Variants in GNPNAT1 observed in about 807,000 individuals in gnomAD.
The protein encoded by GNPNAT1 is glucosamine 6-phosphate N-acetyltransferase.
Under a neutral mutation model 19.8 loss-of-function variants are expected in GNPNAT1, and 11 were observed. The ratio of observed to expected loss-of-function variants is 0.56; its 90% confidence interval spans 0.35 to 0.92. GNPNAT1 has a LOEUF of 0.92. Ranked by LOEUF, GNPNAT1 falls within the 40% of genes least tolerant of loss-of-function variation. The pLI is 0.01. For synonymous variants in GNPNAT1, 71 were observed against 72.3 expected, an observed-to-expected ratio of 0.98 and a Z score of 0.09; for missense variants, 157 against 211.0, an observed-to-expected ratio of 0.74 and a Z score of 1.59.
Position 52,791,225 on chromosome 14 carries a change from C to T in GNPNAT1, c.-15+203G>A, listed in dbSNP as rs1426108936. Reference sequence around the variant, plus strand: ...ATCCTTAACCTCTGCTCCAGGCGCGCGTGCGTTCAACTTCCTGGGAACCGC... The same window carrying T: ...ATCCTTAACCTCTGCTCCAGGCGCGTGTGCGTTCAACTTCCTGGGAACCGC... On this transcript the variant is annotated intron_variant, in intron 1 of 5. Coordinates refer to ENST00000216410, the MANE Select transcript of GNPNAT1 (RefSeq NM_198066.4). This position sits in a 1 kb window ranked among gnomAD's most constrained non-coding sequence, Gnocchi z 4.1. Among the ~76,000 whole-genome samples the T allele has an allele frequency of 2.6e-5, 4 of 151,912 alleles. No individual in the cohort carries two copies. The highest frequency in any genetic ancestry group is 2.6e-4 in the Admixed American group (4 of 15,248).
intron 3 of GNPNAT1, 30 bp from the exon 4 acceptor site, chr14:52,781,941 T>C: frequency 1.9e-6 from 3 of 1,553,686 alleles, no homozygotes; most frequent in South Asian, 2.4e-5. Context: ...AAGTGTTACA[T>C]AGTAGACATT....
rs746375390 is a variant in GNPNAT1, at chr14:52,784,678, T to C, written c.-14-14A>G. The stretch of plus-strand genomic sequence containing the variant: ...TTCTAGTAAGGTCTAAAATAAAAAT[T>C]TGAATATTAAGTCACTTTATTTAAT... On this transcript the variant is annotated splice_polypyrimidine_tract_variant and intron_variant, in intron 1 of 5. Transcript: ENST00000216410. 2 of 1,221,174 alleles carry C rather than the reference T, an allele frequency of 1.6e-6. No individual in the cohort carries two copies. The highest frequency in any genetic ancestry group is 1.5e-5 in the South Asian group (1 of 66,604). 75.6% of individuals were successfully genotyped at this position (1,221,174 alleles called of 1,614,324 possible).
chr14:52,784,732 T>G, intron 1 of GNPNAT1, 68 bp from the exon 2 acceptor site: 1 of 627,662 alleles, frequency 1.6e-6, no homozygotes, highest in Non-Finnish European at 2.6e-6. Context: ...GTTGAGAAAG[T>G]TAATATAAAT....
intron 4 of GNPNAT1, among the ~76,000 whole-genome samples, chr14:52,781,080 A>G (rs1235298498): frequency 6.6e-6 from 1 of 152,136 alleles, no homozygotes; most frequent in African/African-American, 2.4e-5. Flanking sequence ...GTTTTTACTT[A>G]TTAGAGGAAA....
At position 52,781,902 on chromosome 14, in the gene GNPNAT1, T is replaced by C. The variant is rs112642773; in HGVS notation, c.227A>G (p.Glu76Gly). The stretch of plus-strand genomic sequence containing the variant: ...ATAATCCCCAGATTTCTTCATATGC[T>C]CAAAAGATTCTGTGGAAATTGGATA... The part of the protein sequence containing the change: ...VSPEQFMKSF[E>G]HMKKSGDYYV... Residue 76 changes from glutamate to glycine, a missense_variant, in exon 4 of 6, where the codon GAG (glutamate) becomes GGG (glycine). Glu to Gly is a moderately conservative substitution (Grantham distance 98, BLOSUM62 -2). Coordinates refer to ENST00000216410, the MANE Select transcript of GNPNAT1 (RefSeq NM_198066.4). 6.2e-7 allele frequency: 1 copy of C among 1,605,770 alleles called. No individual in the cohort carries two copies. Among genetic ancestry groups the C allele is most frequent in the Non-Finnish European group, 8.5e-7 (1 of 1,177,090 alleles).
chr14:52,783,268 C>T lies in GNPNAT1; in HGVS notation c.217+155G>A, dbSNP rs1243481189. On this transcript the variant is annotated intron_variant, in intron 3 of 5. Coordinates refer to ENST00000216410, the MANE Select transcript of GNPNAT1 (RefSeq NM_198066.4). ...CTGGTACATTTGGATTCTAGAACAACTCAGCCACATTAAACATTTGTATAA... is the reference window on the plus strand; with the variant it reads ...CTGGTACATTTGGATTCTAGAACAATTCAGCCACATTAAACATTTGTATAA... Among the ~76,000 whole-genome samples the T allele has an allele frequency of 2.0e-5, 3 of 152,222 alleles. No individual in the cohort carries two copies. The East Asian group carries it at 5.8e-4, about 29-fold the overall frequency.
rs1882760903 is a variant in GNPNAT1, at chr14:52,777,401, C to G, written c.*910G>C. ...GTGCCATTATAATCACATCAAAAAG[C>G]TTCCATTAACATTTTATGAATTTGG... is the stretch of plus-strand genomic sequence containing the variant. On this transcript the variant is annotated 3_prime_UTR_variant, in exon 6 of 6. Transcript: ENST00000216410. The G allele has an allele frequency of 6.6e-6, 1 of 151,022 alleles. No homozygotes were observed. Among genetic ancestry groups the G allele is most frequent in the Non-Finnish European group, 1.5e-5 (1 of 67,986 alleles). 9.4% of individuals were successfully genotyped at this position (151,022 alleles called of 1,614,324 possible).
chr14:52,776,066 G>A lies in GNPNAT1; in HGVS notation c.*2245C>T, dbSNP rs908785071. ...ATGCACCTATAGTCCCAGCCACATGGGAGGCTGAGGTGGAAGGATCATTTG... is the reference window on the plus strand; with the variant it reads ...ATGCACCTATAGTCCCAGCCACATGAGAGGCTGAGGTGGAAGGATCATTTG... On this transcript the variant is annotated 3_prime_UTR_variant, in exon 6 of 6. Transcript: ENST00000216410. 4 of 152,174 alleles carry A rather than the reference G, an allele frequency of 2.6e-5. No homozygotes were observed. Among genetic ancestry groups the A allele is most frequent in the African/African-American group, 9.7e-5 (4 of 41,394 alleles). The allele number at this position is 152,174 out of a possible 1,614,324, so 9.4% of individuals were successfully genotyped here.
intron 2 of GNPNAT1, 115 bp from the exon 3 acceptor site, chr14:52,783,600 A>G (rs1412145712): frequency 4.6e-6 from 3 of 654,998 alleles, no homozygotes; most frequent in African/African-American, 3.7e-5. Flanking sequence ...AGAACTTTCT[A>G]TAATCTTTTA....
intron 1 of GNPNAT1, among the ~76,000 whole-genome samples, chr14:52,787,419 A>T (rs941008350): frequency 6.6e-6 from 1 of 152,166 alleles, no homozygotes. Context: ...AGCACTTCTT[A>T]TGTGCCAGAC....
chr14:52,781,915 T>G lies in GNPNAT1; in HGVS notation c.218-4A>C. 1 of 1,601,728 alleles carries G rather than the reference T, an allele frequency of 6.2e-7. No homozygotes were observed. The highest frequency in any genetic ancestry group is 1.1e-5 in the South Asian group (1 of 88,298). ...TTCTTCATATGCTCAAAAGATTCTGTGGAAATTGGATAACAAAGTGTTACA... is the reference window on the plus strand; with the variant it reads ...TTCTTCATATGCTCAAAAGATTCTGGGGAAATTGGATAACAAAGTGTTACA... On this transcript the variant is annotated splice_region_variant and splice_polypyrimidine_tract_variant and intron_variant, in intron 3 of 5. Transcript: ENST00000216410.
rs1192271511 is a variant in GNPNAT1, at chr14:52,777,260, A to G, written c.*1051T>C. 2.0e-5 allele frequency: 3 copies of G among 152,764 alleles called. No individual in the cohort carries two copies. Among genetic ancestry groups the G allele is most frequent in the African/African-American group, 7.2e-5 (3 of 41,596 alleles). The allele number at this position is 152,764 out of a possible 1,614,324, so 9.5% of individuals were successfully genotyped here. On this transcript the variant is annotated 3_prime_UTR_variant, in exon 6 of 6. Transcript: ENST00000216410. ...ACAGATGTGATTCTAACAGAAGACTACTCATATAAACAGGTTTAATGCAAC... is the reference window on the plus strand; with the variant it reads ...ACAGATGTGATTCTAACAGAAGACTGCTCATATAAACAGGTTTAATGCAAC...
chr14:52,790,542 G>A (rs1883146755), intron 1 of GNPNAT1, among the ~76,000 whole-genome samples: 1 of 152,152 alleles, frequency 6.6e-6, no homozygotes, highest in Non-Finnish European at 1.5e-5. Flanking sequence ...TACCGATGAG[G>A]AAGCTGGAGC....
chr14:52,784,209 C>G (rs1882958236), intron 2 of GNPNAT1, among the ~76,000 whole-genome samples: 1 of 152,158 alleles, frequency 6.6e-6, no homozygotes, highest in Non-Finnish European at 1.5e-5. Flanking sequence ...TAAGATCCCT[C>G]CTTATGTGTC....
chr14:52,780,127 T>C (rs1055442048), intron 5 of GNPNAT1, among the ~76,000 whole-genome samples: 9 of 152,206 alleles, frequency 5.9e-5, no homozygotes, highest in Non-Finnish European at 1.3e-4. Flanking sequence ...ATTGAGCCAC[T>C]GCACCTCAGC....
intron 3 of GNPNAT1, 82 bp downstream of exon 3, chr14:52,783,341 C>T (rs1445483099): frequency 3.6e-5 from 29 of 810,488 alleles, no homozygotes; most frequent in Middle Eastern, 3.0e-4. Flanking sequence ...TGAACAAAAA[C>T]AGAAGTGGGC....
chr14:52,790,420 G>A (rs1883143591), intron 1 of GNPNAT1, among the ~76,000 whole-genome samples: 1 of 152,112 alleles, frequency 6.6e-6, no homozygotes. Context: ...AATCTATTCC[G>A]TTAAAGATTT....
At chr14:52,780,846 G>C (rs868050554) in intron 4 of GNPNAT1, 106 bp from the exon 5 acceptor site, 27 of 654,836 alleles carry the variant, frequency 4.1e-5, no homozygotes, top group Non-Finnish European at 5.3e-6. Context: ...TTGTAAACTT[G>C]AACTTAACAG....
At chr14:52,782,558 A>G (rs549346583) in intron 3 of GNPNAT1, among the ~76,000 whole-genome samples, 18 of 152,236 alleles carry the variant, frequency 1.2e-4, no homozygotes, top group African/African-American at 3.6e-4. Flanking sequence ...TGCTGAAATA[A>G]CATGGTTTCT....
Sources: allele counts gnomAD v4.1 joint callset (sites outside exome capture counted in the v4.1 genomes callset), GRCh38; gene constraint gnomAD v4.1.1; non-coding constraint Gnocchi (gnomAD v3.1); transcripts MANE v1.5; gene names NCBI Gene and HGNC (gene_info 2026-07-23, HGNC 2026-07-21).